The following SPEGNB variants were observed in gnomAD, a reference collection of about 807,000 sequenced individuals.
SPEGNB encodes the protein SPEG neighbor protein.
In SPEGNB, 12 loss-of-function variants were observed where a neutral mutation model predicts 18.3. That is an observed-to-expected ratio of 0.65 (90% CI 0.42 to 1.06). SPEGNB has a LOEUF of 1.06. SPEGNB is among the 50% of genes least tolerant of loss of function. SPEGNB has a pLI of 0.00. For missense variants in SPEGNB, 273 were observed against 329.3 expected (o/e 0.83, Z 1.32); for synonymous variants, 113 against 138.8 (o/e 0.81, Z 1.31).
chr2:219,497,810 C>T lies in SPEGNB; in HGVS notation c.527C>T (p.Ala176Val), dbSNP rs1158766193. The part of the protein sequence containing the change: ...TLTAEILGEP[A>V]PDVGWTKDGE... Reference sequence around the variant, plus strand: ...ACTGCGGAGATCCTGGGAGAGCCTGCGCCCGACGTAGGCTGGACCAAGGAC... The same window carrying T: ...ACTGCGGAGATCCTGGGAGAGCCTGTGCCCGACGTAGGCTGGACCAAGGAC... The change falls in exon 4 of 5, where the codon GCG (alanine) becomes GTG (valine). Residue 176 changes from alanine to valine, a missense_variant. Coordinates refer to ENST00000651166, the MANE Select transcript of SPEGNB (RefSeq NM_001286811.2). 2 of 1,304,302 alleles carry T rather than the reference C, an allele frequency of 1.5e-6. No homozygotes were observed. Among genetic ancestry groups the T allele is most frequent in the Non-Finnish European group, 2.0e-6 (2 of 988,964 alleles). The allele number at this position is 1,304,302 out of a possible 1,614,324, so 80.8% of individuals were successfully genotyped here.
At position 219,496,158 on chromosome 2, in the gene SPEGNB, G is replaced by C. The variant is rs1303994742; in HGVS notation, c.-60G>C. 2.0e-5 allele frequency among the ~76,000 whole-genome samples: 3 copies of C among 152,108 alleles called. No homozygotes were observed. The highest frequency in any genetic ancestry group is 7.2e-5 in the African/African-American group (3 of 41,442). ...GCACCCCTACTGTGCCATCCAGAAG[G>C]GCTCTGTGCTGCCTGCAATCCAGCC... On this transcript the variant is annotated 5_prime_UTR_variant, in exon 1 of 5. Transcript: ENST00000651166.
intron 2 of SPEGNB, 82 bp from the exon 3 acceptor site, chr2:219,496,727 G>C (rs1618823): frequency 4.3e-5 from 50 of 1,151,214 alleles, no homozygotes; most frequent in Non-Finnish European, 5.5e-5. Context: ...CCAGGGGGCA[G>C]GTAGGAGATG....
At chr2:219,497,223 T>TCC (rs1383130427) in intron 3 of SPEGNB, 107 bp downstream of exon 3, 2 of 887,248 alleles carry the variant, frequency 2.3e-6, no homozygotes, top group Non-Finnish European at 2.8e-6. Context: ...AGCTACAGGG[T>TCC]CCCCGCCAGC....
At position 219,497,052 on chromosome 2, in the gene SPEGNB, G is replaced by C. The variant is rs1275233058; in HGVS notation, c.372G>C (p.Gln124His). 7.8e-7 allele frequency: 1 copy of C among 1,279,326 alleles called. No individual in the cohort carries two copies. Among genetic ancestry groups the C allele is most frequent in the South Asian group, 1.3e-5 (1 of 78,854 alleles). The allele number at this position is 1,279,326 out of a possible 1,614,324, so 79.2% of individuals were successfully genotyped here. A position where few individuals can be genotyped will look rare whatever the true frequency, so the allele number is the denominator to read the frequency against. The change falls in exon 3 of 5, where the codon CAG becomes CAC. Residue 124 changes from glutamine to histidine, a missense_variant. Transcript: ENST00000651166. ...ACGGCGAGCTGGCAGACCTGGGCCAGTACAGCATCAACGTCACCAACCCCT... is the reference window on the plus strand; with the variant it reads ...ACGGCGAGCTGGCAGACCTGGGCCACTACAGCATCAACGTCACCAACCCCT... ...VRDGELADLG[Q>H]YSINVTNPFG...
In SPEGNB at chr2:219,497,853, G is replaced by A. The variant is rs1694261122; in HGVS notation, c.570G>A (p.Glu190=). 7.7e-7 allele frequency: 1 copy of A among 1,304,116 alleles called. No homozygotes were observed. The highest frequency in any genetic ancestry group is 1.0e-6 in the Non-Finnish European group (1 of 988,830). The allele number at this position is 1,304,116 out of a possible 1,614,324, so 80.8% of individuals were successfully genotyped here. A position where few individuals can be genotyped will look rare whatever the true frequency, so the allele number is the denominator to read the frequency against. ...GWTKDGEDIE[E]DDRVFFEIGS... ...CCAAGGACGGGGAGGACATCGAGGAGGATGACAGGCGAGGGCCGGGACCTG... is the reference window on the plus strand; with the variant it reads ...CCAAGGACGGGGAGGACATCGAGGAAGATGACAGGCGAGGGCCGGGACCTG... The change falls in exon 4 of 5, where the codon GAG becomes GAA. Residue 190 remains glutamate, a synonymous_variant. Coordinates refer to ENST00000651166, the MANE Select transcript of SPEGNB (RefSeq NM_001286811.2).
rs1313532332 is a variant in SPEGNB, at chr2:219,497,029, G to T, written c.349G>T (p.Gly117Cys). 3.8e-6 allele frequency: 5 copies of T among 1,298,778 alleles called. No homozygotes were observed. Among genetic ancestry groups the T allele is most frequent in the Admixed American group, 4.6e-5 (2 of 43,394 alleles). 80.5% of individuals were successfully genotyped at this position (1,298,778 alleles called of 1,614,324 possible). The change falls in exon 3 of 5, where the codon GGC becomes TGC. Residue 117 changes from glycine (G) to cysteine (C), a missense_variant. Coordinates refer to ENST00000651166, the MANE Select transcript of SPEGNB (RefSeq NM_001286811.2). ...CGTGGTGGCACTGGTGGTGCGCGAC[G>T]GCGAGCTGGCAGACCTGGGCCAGTA... ...PDVVALVVRDGELADLGQYSI... is the reference protein window; with the variant it reads ...PDVVALVVRDCELADLGQYSI...
chr2:219,498,171 T>A lies in SPEGNB; in HGVS notation c.699T>A (p.Ala233=), dbSNP rs1694269964. ...ENSLGMDQSF[A]RVDVA ...GCCTGGGCATGGACCAGAGCTTCGC[T>A]CGCGTCGACGTGGCCTGAACGGCAC... is the stretch of plus-strand genomic sequence containing the variant. The change falls in exon 5 of 5, where the codon GCT becomes GCA. Residue 233 remains alanine (A), a synonymous_variant. Coordinates refer to ENST00000651166, the MANE Select transcript of SPEGNB (RefSeq NM_001286811.2). 7.7e-7 allele frequency: 1 copy of A among 1,303,932 alleles called. No individual in the cohort carries two copies. Among genetic ancestry groups the A allele is most frequent in the Non-Finnish European group, 1.0e-6 (1 of 988,846 alleles). 80.8% of individuals were successfully genotyped at this position (1,303,932 alleles called of 1,614,324 possible). A position where few individuals can be genotyped will look rare whatever the true frequency, so the allele number is the denominator to read the frequency against.
At chr2:219,496,696 A>T in intron 2 of SPEGNB, 113 bp from the exon 3 acceptor site, 1 of 1,049,048 alleles carries the variant, frequency 9.5e-7, no homozygotes, top group Non-Finnish European at 1.2e-6. Flanking sequence ...ACCAAGCCAC[A>T]CGTTTAGGGG....
chr2:219,497,287 C>T (rs1402647888), intron 3 of SPEGNB, among the ~76,000 whole-genome samples, 171 bp downstream of exon 3: 1 of 152,214 alleles, frequency 6.6e-6, no homozygotes, highest in South Asian at 2.1e-4. Context: ...GTGCGTCCTT[C>T]CCTACCTCGG....
Position 219,498,282 on chromosome 2 carries a change from A to C in SPEGNB, c.*93A>C. The C allele has an allele frequency of 8.5e-7, 1 of 1,172,654 alleles. No homozygotes were observed. The allele number at this position is 1,172,654 out of a possible 1,614,324, so 72.6% of individuals were successfully genotyped here. Reference sequence around the variant, plus strand: ...GCTTGCTTAATAAAGCTGCTCTCTGACCCTCCGCGTCTGTCCTGCTCTTCC... The same window carrying C: ...GCTTGCTTAATAAAGCTGCTCTCTGCCCCTCCGCGTCTGTCCTGCTCTTCC... On this transcript the variant is annotated 3_prime_UTR_variant, in exon 5 of 5. Transcript: ENST00000651166.
At chr2:219,496,608 TTACTGAGGTA>T (rs1485517849) in intron 2 of SPEGNB, 126 bp downstream of exon 2, 1 of 1,060,786 alleles carries the variant, frequency 9.4e-7, no homozygotes, top group African/African-American at 1.7e-5. Context: ...GGGAGGGTCG[TTACTGAGGTA>T]TGGGGGAGTG....
Position 219,496,499 on chromosome 2 carries a change from G to C in SPEGNB, c.128+17G>C, listed in dbSNP as rs1474840533. ...GGGCCACAGGTGAGAGGGAACCCCGGAGCCCTGTGGAGGAAGGGAGCTGCA... is the reference window on the plus strand; with the variant it reads ...GGGCCACAGGTGAGAGGGAACCCCGCAGCCCTGTGGAGGAAGGGAGCTGCA... On this transcript the variant is annotated intron_variant, in intron 2 of 4. Coordinates refer to ENST00000651166, the MANE Select transcript of SPEGNB (RefSeq NM_001286811.2). 1 of 1,226,394 alleles carries C rather than the reference G, an allele frequency of 8.2e-7. No homozygotes were observed. Among genetic ancestry groups the C allele is most frequent in the African/African-American group, 1.6e-5 (1 of 63,646 alleles). 76.0% of individuals were successfully genotyped at this position (1,226,394 alleles called of 1,614,324 possible). A position where few individuals can be genotyped will look rare whatever the true frequency, so the allele number is the denominator to read the frequency against.
intron 3 of SPEGNB, 187 bp from the exon 4 acceptor site, chr2:219,497,533 T>G: frequency 4.2e-5 from 25 of 596,360 alleles, no homozygotes; most frequent in South Asian, 1.3e-4. Flanking sequence ...CCCCGAGAAG[T>G]AGGAGAGGCA....
chr2:219,496,868 T>C lies in SPEGNB; in HGVS notation c.188T>C (p.Val63Ala). 2 of 1,285,922 alleles carry C rather than the reference T, an allele frequency of 1.6e-6. No homozygotes were observed. The highest frequency in any genetic ancestry group is 2.0e-6 in the Non-Finnish European group (2 of 976,204). 79.7% of individuals were successfully genotyped at this position (1,285,922 alleles called of 1,614,324 possible). Reference sequence around the variant, plus strand: ...CGGGTGCTGGAGCCGCTGAAGGACGTGGTGCTGATCGAAGGCAGCGCGGCC... The same window carrying C: ...CGGGTGCTGGAGCCGCTGAAGGACGCGGTGCTGATCGAAGGCAGCGCGGCC... ...PPRVLEPLKD[V>A]VLIEGSAAKL... Residue 63 changes from valine to alanine, a missense_variant, in exon 3 of 5, where the codon GTG becomes GCG. Coordinates refer to ENST00000651166, the MANE Select transcript of SPEGNB (RefSeq NM_001286811.2).
chr2:219,496,930 T>C lies in SPEGNB; in HGVS notation c.250T>C (p.Phe84Leu). 3.8e-6 allele frequency: 5 copies of C among 1,302,702 alleles called. No individual in the cohort carries two copies. The highest frequency in any genetic ancestry group is 5.1e-6 in the Non-Finnish European group (5 of 987,448). 80.7% of individuals were successfully genotyped at this position (1,302,702 alleles called of 1,614,324 possible). ...CCGCATTTCGGCTTTCCCGGACCCATTCATCCGCTGGAGTAAGGACGGCAA... is the reference window on the plus strand; with the variant it reads ...CCGCATTTCGGCTTTCCCGGACCCACTCATCCGCTGGAGTAAGGACGGCAA... ...TCRISAFPDP[F>L]IRWSKDGKEL... Residue 84 changes from phenylalanine to leucine, a missense_variant, in exon 3 of 5, where the codon TTC becomes CTC. Transcript: ENST00000651166.
In SPEGNB at chr2:219,496,965, T is replaced by A. The variant is rs1252524957; in HGVS notation, c.285T>A (p.Arg95=). The A allele has an allele frequency of 7.7e-7, 1 of 1,303,836 alleles. No homozygotes were observed. The highest frequency in any genetic ancestry group is 1.0e-6 in the Non-Finnish European group (1 of 988,376). 80.8% of individuals were successfully genotyped at this position (1,303,836 alleles called of 1,614,324 possible). A position where few individuals can be genotyped will look rare whatever the true frequency, so the allele number is the denominator to read the frequency against. ...GGAGTAAGGACGGCAAGGAGCTACGTGACGGTCCCAAGTACCGCTACGTCT... is the reference window on the plus strand; with the variant it reads ...GGAGTAAGGACGGCAAGGAGCTACGAGACGGTCCCAAGTACCGCTACGTCT... ...IRWSKDGKEL[R]DGPKYRYVFE... The change falls in exon 3 of 5, where the codon CGT becomes CGA. Residue 95 remains arginine, a synonymous_variant. Coordinates refer to ENST00000651166, the MANE Select transcript of SPEGNB (RefSeq NM_001286811.2).
Position 219,497,714 on chromosome 2 carries a change from C to T in SPEGNB, c.437-6C>T, listed in dbSNP as rs1249867075. On this transcript the variant is annotated splice_polypyrimidine_tract_variant and splice_region_variant and intron_variant, in intron 3 of 4. Transcript: ENST00000651166. ...ACGGGGTTTCGCTCCCCTTTCCTTC[C>T]GCTAGTCCCGACGAAGATTCAAAAG... The T allele has an allele frequency of 7.7e-7, 1 of 1,303,438 alleles. No individual in the cohort carries two copies. Among genetic ancestry groups the T allele is most frequent in the East Asian group, 5.6e-5 (1 of 17,998 alleles). The allele number at this position is 1,303,438 out of a possible 1,614,324, so 80.7% of individuals were successfully genotyped here. A position where few individuals can be genotyped will look rare whatever the true frequency, so the allele number is the denominator to read the frequency against.
chr2:219,497,832 G>A lies in SPEGNB; in HGVS notation c.549G>A (p.Lys183=). 1 of 1,304,312 alleles carries A rather than the reference G, an allele frequency of 7.7e-7. No individual in the cohort carries two copies. Among genetic ancestry groups the A allele is most frequent in the South Asian group, 1.2e-5 (1 of 81,026 alleles). 80.8% of individuals were successfully genotyped at this position (1,304,312 alleles called of 1,614,324 possible). ...GEPAPDVGWT[K]DGEDIEEDDR... ...CTGCGCCCGACGTAGGCTGGACCAA[G>A]GACGGGGAGGACATCGAGGAGGATG... The change falls in exon 4 of 5, where the codon AAG becomes AAA. Residue 183 remains lysine, a synonymous_variant. Coordinates refer to ENST00000651166, the MANE Select transcript of SPEGNB (RefSeq NM_001286811.2).
chr2:219,497,485 G>A (rs1460615043), intron 3 of SPEGNB: 1 of 413,714 alleles, frequency 2.4e-6, no homozygotes, highest in Non-Finnish European at 4.1e-6. Context: ...ACATTCAGGG[G>A]CTTTCGCCCG....
Sources: gnomAD v4.1 joint callset for allele counts (sites outside exome capture counted in the v4.1 genomes callset) on GRCh38, gnomAD v4.1.1 for gene constraint, MANE v1.5 for transcripts, NCBI Gene and HGNC (gene_info 2026-07-23, HGNC 2026-07-21) for gene names.